Variants in PDE12 observed in about 807,000 individuals in gnomAD.
PDE12 encodes phosphodiesterase 12, also known as 2',5'-phosphodiesterase 12.
In PDE12, 26 loss-of-function variants were observed where a neutral mutation model predicts 45.4. The observed-to-expected ratio is 0.57, with a 90% CI of 0.42 to 0.79. The LOEUF is 0.79. Among genes scored for constraint, PDE12 ranks in the 30% least tolerant of loss-of-function variants. The pLI is 0.00. For missense variants in PDE12, 668 were observed against 790.0 expected, an observed-to-expected ratio of 0.85 and a Z score of 1.85; for synonymous variants, 283 against 323.9, an observed-to-expected ratio of 0.87 and a Z score of 1.36.
At chr3:57,606,642 TATAAC>T in the PDE12 span, among the ~76,000 whole-genome samples, 2 of 152,164 alleles carry the variant, frequency 1.3e-5, 1 homozygote, top group South Asian at 4.2e-4. Flanking sequence ...CTGTGAGATT[TATAAC>T]ATAAAAGCAA....
At chr3:57,635,200 G>C in the PDE12 span, among the ~76,000 whole-genome samples, 3 of 151,342 alleles carry the variant, frequency 2.0e-5, no homozygotes, top group East Asian at 5.8e-4. Flanking sequence ...GGGTTTGTGG[G>C]GTTTTGTTTT....
chr3:57,593,091 T>C, the PDE12 span, among the ~76,000 whole-genome samples: 1 of 152,084 alleles, frequency 6.6e-6, no homozygotes, highest in Admixed American at 6.6e-5. Context: ...TAGTCCTAGC[T>C]ACTCCAGAGC....
the PDE12 span, chr3:57,597,467 T>TC: frequency 2.0e-4 from 42 of 212,524 alleles, 1 homozygote; most frequent in East Asian, 5.0e-3. Flanking sequence ...CGCCGCCCCA[T>TC]CCCCCTGCGC....
the PDE12 span, among the ~76,000 whole-genome samples, chr3:57,583,470 T>C: frequency 6.6e-6 from 1 of 152,158 alleles, no homozygotes; most frequent in Non-Finnish European, 1.5e-5. Flanking sequence ...AAAAATATCT[T>C]ACAAATCAAT....
At chr3:57,590,671 T>G in the PDE12 span, among the ~76,000 whole-genome samples, 1 of 152,176 alleles carries the variant, frequency 6.6e-6, no homozygotes, top group African/African-American at 2.4e-5. Context: ...AGTGTGTGTG[T>G]GTACATATAT....
chr3:57,619,765 G>A, the PDE12 span, among the ~76,000 whole-genome samples: 1 of 151,416 alleles, frequency 6.6e-6, no homozygotes. Flanking sequence ...CAGGACAGTT[G>A]CTTAAACCCG....
the PDE12 span, among the ~76,000 whole-genome samples, chr3:57,620,635 T>C: frequency 2.0e-5 from 3 of 152,136 alleles, no homozygotes; most frequent in East Asian, 1.9e-4. Context: ...GATTGTAGGA[T>C]ACAAGATCAA....
At chr3:57,634,152 G>GC in the PDE12 span, among the ~76,000 whole-genome samples, 1 of 152,058 alleles carries the variant, frequency 6.6e-6, no homozygotes, top group African/African-American at 2.4e-5. Context: ...AGAGACCCTG[G>GC]CAGGGCACGG....
At chr3:57,621,883 T>C in the PDE12 span, among the ~76,000 whole-genome samples, 7 of 151,140 alleles carry the variant, frequency 4.6e-5, no homozygotes, top group Non-Finnish European at 8.9e-5. Context: ...CAAGAACATA[T>C]GGAGAGCTCT....
chr3:57,645,033 G>T, the PDE12 span, among the ~76,000 whole-genome samples: 1 of 151,908 alleles, frequency 6.6e-6, no homozygotes, highest in African/African-American at 2.4e-5. Flanking sequence ...AAGAAGGTGA[G>T]CGATAGAGCA....
At chr3:57,592,114 C>T in the PDE12 span, among the ~76,000 whole-genome samples, 3 of 152,206 alleles carry the variant, frequency 2.0e-5, no homozygotes, top group Admixed American at 2.0e-4. Context: ...AACCAAAAAA[C>T]CTAGTTCTGA....
the PDE12 span, among the ~76,000 whole-genome samples, chr3:57,638,640 G>A: frequency 1.3e-5 from 2 of 151,888 alleles, no homozygotes; most frequent in Admixed American, 6.6e-5. Context: ...CCAGGCAACA[G>A]GGTGAGACTC....
the PDE12 span, among the ~76,000 whole-genome samples, chr3:57,656,137 G>T: frequency 1.3e-5 from 2 of 152,092 alleles, no homozygotes; most frequent in Non-Finnish European, 2.9e-5. Flanking sequence ...CAAAGATCTA[G>T]AATAGTTCCA....
the PDE12 span, among the ~76,000 whole-genome samples, chr3:57,653,003 T>C: frequency 6.6e-6 from 1 of 152,218 alleles, no homozygotes; most frequent in Non-Finnish European, 1.5e-5. Flanking sequence ...TATTAACTTA[T>C]CAATGTTGAT....
the PDE12 span, chr3:57,628,290 C>T: frequency 4.3e-6 from 7 of 1,614,048 alleles, no homozygotes; most frequent in Non-Finnish European, 5.1e-6. Context: ...TATGTGTGTC[C>T]GTAACTTTTC....
the PDE12 span, among the ~76,000 whole-genome samples, chr3:57,611,292 C>A: frequency 6.6e-6 from 1 of 152,140 alleles, no homozygotes; most frequent in African/African-American, 2.4e-5. Flanking sequence ...AGAAGAAAAC[C>A]TAGGCAATAC....
At chr3:57,627,048 A>T in the PDE12 span, 1 of 152,230 alleles carries the variant, frequency 6.6e-6, no homozygotes, top group Non-Finnish European at 1.5e-5. Flanking sequence ...CAGTTTAAAA[A>T]AATAGCTGAT....
chr3:57,622,561 C>A, the PDE12 span, among the ~76,000 whole-genome samples: 3 of 152,284 alleles, frequency 2.0e-5, no homozygotes, highest in East Asian at 3.9e-4. Context: ...ACCCAGACAT[C>A]CCCCTCATAC....
the PDE12 span, among the ~76,000 whole-genome samples, chr3:57,608,690 A>G: frequency 0.011 from 1,734 of 152,242 alleles, 38 homozygotes; most frequent in African/African-American, 0.04. Flanking sequence ...AGAGCTAACT[A>G]TCCTAAATAT....
Sources: allele counts gnomAD v4.1 joint callset (sites outside exome capture counted in the v4.1 genomes callset), GRCh38; gene constraint gnomAD v4.1.1; transcripts MANE v1.5; gene names NCBI Gene and HGNC (gene_info 2026-07-23, HGNC 2026-07-21).